The following PSD3 variants were observed in gnomAD, a reference collection of about 807,000 sequenced individuals.
The protein encoded by PSD3 is pleckstrin and Sec7 domain containing 3, also known as PH and SEC7 domain-containing protein 3.
Under a neutral mutation model 105.5 loss-of-function variants are expected in PSD3, and 49 were observed. The ratio of observed to expected loss-of-function variants is 0.46; its 90% CI spans 0.37 to 0.59. PSD3 has a LOEUF of 0.59. Ranked by LOEUF, PSD3 falls within the 20% of genes least tolerant of loss-of-function variation. The probability of loss-of-function intolerance (pLI) is 0.00; values close to 1 mark genes in which losing one functional copy is unlikely to be tolerated. For missense variants in PSD3, 1,561 were observed against 1,263.8 expected (o/e 1.24, Z -3.57); for synonymous variants, 557 against 457.8 (o/e 1.22, Z -2.77).
rs762958187 is a variant in PSD3 at position 18,804,743 on chromosome 8, C to T, written c.1790G>A (p.Arg597Lys). 6.2e-7 allele frequency: 1 copy of T among 1,614,078 alleles called. No individual in the cohort carries two copies. Among genetic ancestry groups the T allele is most frequent in the East Asian group, 2.2e-5 (1 of 44,872 alleles). ...RLAKRLYQLDRFKRSDVAKHL... is the reference protein window; with the variant it reads ...RLAKRLYQLDKFKRSDVAKHL... ...TTTTGCAACATCTGATCTTTTGAAT[C>T]TGTCCAGCTGATAAAGGCGTTTGGC... Residue 597 changes from arginine to lysine, a missense_variant, in exon 5 of 16, where the codon AGA (arginine) becomes AAA (lysine). Transcript: ENST00000327040.
intron 1 of PSD3, among the ~76,000 whole-genome samples, chr8:19,005,479 G>A (rs1826629538): frequency 6.6e-6 from 1 of 151,712 alleles, no homozygotes; most frequent in Non-Finnish European, 1.5e-5. Context: ...GGAATTTTTG[G>A]GGTTTTTTTG....
chr8:18,974,937 C>A (rs1824847891), intron 1 of PSD3, among the ~76,000 whole-genome samples: 2 of 152,034 alleles, frequency 1.3e-5, no homozygotes, highest in South Asian at 4.1e-4. Context: ...TTTTCCTTGA[C>A]CAGAAGGGAA....
At chr8:18,915,286 A>T (rs938638025) in intron 2 of PSD3, among the ~76,000 whole-genome samples, 3 of 152,210 alleles carry the variant, frequency 2.0e-5, no homozygotes, top group African/African-American at 7.2e-5. Flanking sequence ...CGTCTAGGCC[A>T]TGATTTTTTG....
chr8:18,837,256 T>A (rs1461432806), intron 4 of PSD3, among the ~76,000 whole-genome samples: 1 of 152,148 alleles, frequency 6.6e-6, no homozygotes, highest in Non-Finnish European at 1.5e-5. Flanking sequence ...ATGACCCAGC[T>A]CTGGGTCACT....
chr8:18,744,678 A>C (rs1034283310), intron 9 of PSD3, among the ~76,000 whole-genome samples: 6 of 152,222 alleles, frequency 3.9e-5, no homozygotes, highest in Admixed American at 3.9e-4. Flanking sequence ...GTCTTCCCTT[A>C]ATGTTAACAT....
chr8:18,799,068 T>G (rs1251618214), intron 8 of PSD3: 2 of 482,560 alleles, frequency 4.1e-6, no homozygotes, highest in Non-Finnish European at 7.5e-6. Flanking sequence ...CACACATTAC[T>G]GCTAAAACAA....
chr8:18,928,547 C>A (rs145174509), intron 2 of PSD3, among the ~76,000 whole-genome samples: 1 of 152,146 alleles, frequency 6.6e-6, no homozygotes, highest in African/African-American at 2.4e-5. Context: ...GTAAATTTTA[C>A]AGCAAAACTA....
chr8:18,589,472 A>G (rs9644610), intron 12 of PSD3, among the ~76,000 whole-genome samples: 5,351 of 152,306 alleles, frequency 0.035, 292 homozygotes, highest in East Asian at 0.22. Context: ...CCATGCTCCA[A>G]TATTCCTTAC....
chr8:18,900,663 T>A (rs1819448098), intron 2 of PSD3, among the ~76,000 whole-genome samples: 1 of 150,230 alleles, frequency 6.7e-6, no homozygotes, highest in African/African-American at 2.5e-5. Context: ...TTTTTTTTTT[T>A]TTTGGGAGAC....
Position 18,535,797 on chromosome 8 carries a change from T to C in PSD3, c.3090A>G (p.Ser1030=). ...TTTCAGGTCGGTGATCCTTCCTCTCTGACACGTTACGCTTGACTTTGGCAG... is the reference window on the plus strand; with the variant it reads ...TTTCAGGTCGGTGATCCTTCCTCTCCGACACGTTACGCTTGACTTTGGCAG... ...PITAKVKRNV[S]ERKDHRPETP... The change falls in exon 16 of 16, where the codon TCA becomes TCG. Residue 1030 remains serine, a synonymous_variant. Coordinates refer to ENST00000327040, the MANE Select transcript of PSD3 (RefSeq NM_015310.4). The C allele has an allele frequency of 6.2e-7, 1 of 1,614,200 alleles. No homozygotes were observed. The highest frequency in any genetic ancestry group is 1.1e-5 in the South Asian group (1 of 91,086).
chr8:18,679,753 C>A (rs775503461), intron 9 of PSD3, among the ~76,000 whole-genome samples: 1 of 152,114 alleles, frequency 6.6e-6, no homozygotes, highest in African/African-American at 2.4e-5. Flanking sequence ...ACCAACAGGC[C>A]AATGTTTCAC....
At chr8:18,982,203 C>G (rs1369463104) in intron 1 of PSD3, among the ~76,000 whole-genome samples, 2 of 152,238 alleles carry the variant, frequency 1.3e-5, no homozygotes, top group Non-Finnish European at 2.9e-5. Flanking sequence ...GAAGCTACTC[C>G]TCATCCACTA....
At chr8:18,654,851 G>C (rs941525588) in intron 10 of PSD3, among the ~76,000 whole-genome samples, 2 of 152,088 alleles carry the variant, frequency 1.3e-5, no homozygotes, top group African/African-American at 4.8e-5. Flanking sequence ...TTTGTGCTTA[G>C]TATCTATCAG....
chr8:18,621,749 C>A (rs1375837317), intron 11 of PSD3, among the ~76,000 whole-genome samples: 2 of 152,166 alleles, frequency 1.3e-5, no homozygotes, highest in Non-Finnish European at 2.9e-5. Flanking sequence ...AAGGGAAAAC[C>A]TTAGCCTAGT....
At chr8:19,046,116 G>A (rs894145924) in intron 1 of PSD3, among the ~76,000 whole-genome samples, 5 of 152,078 alleles carry the variant, frequency 3.3e-5, no homozygotes, top group Admixed American at 3.3e-4. Context: ...ATCTTTTGTT[G>A]TTGGTGGTGT....
intron 14 of PSD3, among the ~76,000 whole-genome samples, chr8:18,568,878 C>T (rs1409367365): frequency 2.0e-5 from 3 of 150,390 alleles, no homozygotes; most frequent in African/African-American, 7.3e-5. Flanking sequence ...CACAACAGTC[C>T]CCAGAGGGTG....
intron 1 of PSD3, among the ~76,000 whole-genome samples, chr8:18,991,313 G>A (rs13256848): frequency 0.29 from 44,035 of 150,050 alleles, 6,863 homozygotes; most frequent in Non-Finnish European, 0.35. Flanking sequence ...TTACTCTCTC[G>A]GACAATAATC....
At chr8:18,941,914 C>T (rs988972693) in intron 1 of PSD3, among the ~76,000 whole-genome samples, 40 of 152,036 alleles carry the variant, frequency 2.6e-4, no homozygotes, top group African/African-American at 9.7e-4. Flanking sequence ...CTCAGGTGAT[C>T]CGCCCGCCTC....
At chr8:19,056,029 T>C (rs370799801) in intron 1 of PSD3, among the ~76,000 whole-genome samples, 1 of 152,262 alleles carries the variant, frequency 6.6e-6, no homozygotes, top group Non-Finnish European at 1.5e-5. Flanking sequence ...AAAATCTTTA[T>C]GTCAGTCTGA....
Sources: gnomAD v4.1 joint callset for allele counts (sites outside exome capture counted in the v4.1 genomes callset) on GRCh38, gnomAD v4.1.1 for gene constraint, MANE v1.5 for transcripts, NCBI Gene and HGNC (gene_info 2026-07-23, HGNC 2026-07-21) for gene names.